The following HCRTR2 variants were observed in gnomAD, a reference collection of about 807,000 sequenced individuals.
The protein encoded by HCRTR2 is orexin receptor type 2.
In HCRTR2, 22 loss-of-function variants were observed where a neutral mutation model predicts 49.0. The observed-to-expected ratio is 0.45, with a 90% confidence interval of 0.32 to 0.64. The LOEUF is 0.64. Among genes scored for constraint, HCRTR2 ranks in the 30% least tolerant of loss-of-function variants. HCRTR2 has a pLI of 0.04. For missense variants in HCRTR2, 491 were observed against 559.4 expected (o/e 0.88, Z 1.23); for synonymous variants, 236 against 205.3 (o/e 1.15, Z -1.28).
chr6:55,165,222 GGAGA>G (rs35805278), intron 1 of HCRTR2, among the ~76,000 whole-genome samples: 2 of 150,614 alleles, frequency 1.3e-5, no homozygotes, highest in African/African-American at 4.9e-5. Context: ...TAAAAAGGAA[GGAGA>G]GAGAGAGAGA....
chr6:55,160,092 G>T (rs548116737), intron 1 of HCRTR2, among the ~76,000 whole-genome samples: 2 of 152,256 alleles, frequency 1.3e-5, no homozygotes, highest in African/African-American at 4.8e-5. Flanking sequence ...AGAGAGAAAG[G>T]TCGGGTTACC....
intron 1 of HCRTR2, among the ~76,000 whole-genome samples, chr6:55,209,910 G>A (rs904348678): frequency 3.3e-5 from 5 of 151,954 alleles, no homozygotes; most frequent in African/African-American, 9.7e-5. Flanking sequence ...TTGCGTCTTC[G>A]AAGAACAATG....
At chr6:55,229,276 A>G (rs1253390844) in intron 1 of HCRTR2, among the ~76,000 whole-genome samples, 4 of 152,094 alleles carry the variant, frequency 2.6e-5, no homozygotes, top group Non-Finnish European at 5.9e-5. Context: ...TGATCCTTTC[A>G]CCTCAGCCTC....
intron 6 of HCRTR2, among the ~76,000 whole-genome samples, chr6:55,280,919 A>T (rs139003779): frequency 1.3e-3 from 205 of 152,254 alleles, no homozygotes; most frequent in Non-Finnish European, 2.2e-3. Flanking sequence ...CTGACTACCA[A>T]AAATAGTATT....
intron 1 of HCRTR2, among the ~76,000 whole-genome samples, chr6:55,132,800 A>G (rs1764377675): frequency 6.6e-6 from 1 of 150,844 alleles, no homozygotes; most frequent in Admixed American, 6.6e-5. Context: ...AAACAAACAA[A>G]GTGTTTGAAA....
chr6:55,264,200 G>A (rs985079760), intron 4 of HCRTR2, among the ~76,000 whole-genome samples: 2 of 151,932 alleles, frequency 1.3e-5, no homozygotes, highest in African/African-American at 4.8e-5. Flanking sequence ...AGATTTTTGA[G>A]ACTCTAAGTC....
chr6:55,223,634 T>C (rs971532070), intron 1 of HCRTR2, among the ~76,000 whole-genome samples: 3 of 152,240 alleles, frequency 2.0e-5, no homozygotes, highest in Admixed American at 6.5e-5. Flanking sequence ...TCTAGATTTA[T>C]TCTCTGTTGA....
intron 1 of HCRTR2, among the ~76,000 whole-genome samples, chr6:55,111,734 G>A (rs1406018255): frequency 6.6e-6 from 1 of 151,900 alleles, no homozygotes; most frequent in East Asian, 1.9e-4. Flanking sequence ...AGAATAATTG[G>A]TACCAATCCT....
rs143325203 is a variant in HCRTR2 at position 55,159,769 on chromosome 6, G to A, written c.-377-14442G>A. Among the ~76,000 whole-genome samples the A allele has an allele frequency of 9.8e-4, 149 of 152,232 alleles. 1 individual carries two copies. The East Asian group carries it at 0.02, about 21-fold the overall frequency. On this transcript the variant is annotated intron_variant, in intron 1 of 7. Coordinates refer to the HCRTR2 transcript ENST00000615358. Reference sequence around the variant, plus strand: ...GAAGATCAACTTAATGAAATAAAGTGTGAAGACCAGATTAGAGAAAAAAGA... The same window carrying A: ...GAAGATCAACTTAATGAAATAAAGTATGAAGACCAGATTAGAGAAAAAAGA...
chr6:55,184,470 C>T (rs1765184079), intron 1 of HCRTR2, among the ~76,000 whole-genome samples: 1 of 152,164 alleles, frequency 6.6e-6, no homozygotes, highest in Non-Finnish European at 1.5e-5. Context: ...AATTTGAGAT[C>T]TAATAAACAA....
At chr6:55,236,263 T>A (rs1305582234) in intron 1 of HCRTR2, among the ~76,000 whole-genome samples, 1 of 152,060 alleles carries the variant, frequency 6.6e-6, no homozygotes, top group African/African-American at 2.4e-5. Flanking sequence ...GTCAATAGTA[T>A]CATCTATTTA....
At chr6:55,269,495 A>G (rs1255136916) in intron 4 of HCRTR2, among the ~76,000 whole-genome samples, 3 of 152,214 alleles carry the variant, frequency 2.0e-5, no homozygotes, top group African/African-American at 7.2e-5. Context: ...ATTAGAACAA[A>G]TAAATGAGTT....
intron 1 of HCRTR2, among the ~76,000 whole-genome samples, chr6:55,216,545 G>T (rs992519018): frequency 2.0e-5 from 3 of 152,162 alleles, no homozygotes; most frequent in African/African-American, 4.8e-5. Flanking sequence ...AGGGGTTAAT[G>T]GTCCCCAAGC....
At chr6:55,156,173 G>A (rs993699686) in intron 1 of HCRTR2, among the ~76,000 whole-genome samples, 3 of 151,576 alleles carry the variant, frequency 2.0e-5, no homozygotes, top group Non-Finnish European at 2.9e-5. Flanking sequence ...GAACATGAAT[G>A]GAATTGTTGT....
At chr6:55,122,698 C>G (rs1764218287) in intron 1 of HCRTR2, among the ~76,000 whole-genome samples, 1 of 151,966 alleles carries the variant, frequency 6.6e-6, no homozygotes, top group Non-Finnish European at 1.5e-5. Context: ...TTCACAATAG[C>G]AAAGACTTGG....
intron 1 of HCRTR2, among the ~76,000 whole-genome samples, chr6:55,152,429 G>A (rs911028207): frequency 6.6e-6 from 1 of 151,428 alleles, no homozygotes; most frequent in African/African-American, 2.4e-5. Context: ...GTATTTTTTT[G>A]TTTATTTGTC....
intron 1 of HCRTR2, among the ~76,000 whole-genome samples, chr6:55,238,007 A>G (rs1766246220): frequency 6.6e-6 from 1 of 152,132 alleles, no homozygotes; most frequent in African/African-American, 2.4e-5. Flanking sequence ...ATTCTGATGA[A>G]TCCCAAATAT....
At chr6:55,269,507 AG>A (rs1766930890) in intron 4 of HCRTR2, among the ~76,000 whole-genome samples, 1 of 152,234 alleles carries the variant, frequency 6.6e-6, no homozygotes, top group South Asian at 2.1e-4. Flanking sequence ...AAATGAGTTC[AG>A]CTAGTTTTCA....
intron 1 of HCRTR2, among the ~76,000 whole-genome samples, chr6:55,217,992 A>G (rs1765820277): frequency 6.6e-6 from 1 of 152,212 alleles, no homozygotes; most frequent in Non-Finnish European, 1.5e-5. Flanking sequence ...GGAGACTGAA[A>G]AGACCAAGGT....
Sources: allele counts gnomAD v4.1 joint callset (sites outside exome capture counted in the v4.1 genomes callset), GRCh38; gene constraint gnomAD v4.1.1; transcripts MANE v1.5; gene names NCBI Gene and HGNC (gene_info 2026-07-23, HGNC 2026-07-21).